Variants in TBCD observed in about 807,000 individuals in gnomAD.
TBCD encodes tubulin-specific chaperone D.
TBCD carries 105 observed loss-of-function variants against 169.3 expected under a neutral mutation model. The ratio of observed to expected loss-of-function variants is 0.62; its 90% CI spans 0.53 to 0.73. TBCD has a LOEUF of 0.73. TBCD is among the 30% of genes least tolerant of loss of function. The pLI is 0.00. For synonymous variants in TBCD, 700 were observed against 643.9 expected, an observed-to-expected ratio of 1.09 and a Z score of -1.32; for missense variants, 1,444 against 1,600.1, an observed-to-expected ratio of 0.90 and a Z score of 1.66.
At chr17:82,792,668 A>C (rs569686101) in intron 7 of TBCD, among the ~76,000 whole-genome samples, 1 of 152,230 alleles carries the variant, frequency 6.6e-6, no homozygotes, top group Non-Finnish European at 1.5e-5. Flanking sequence ...TGGGCCTTGC[A>C]TGGCCCCCAC....
chr17:82,843,857 C>T (rs907200187), intron 13 of TBCD, among the ~76,000 whole-genome samples: 1 of 152,208 alleles, frequency 6.6e-6, no homozygotes, highest in African/African-American at 2.4e-5. Context: ...GCCACCCTTC[C>T]CCACCCAGAC....
intron 13 of TBCD, among the ~76,000 whole-genome samples, chr17:82,866,232 C>G (rs558038795): frequency 3.0e-4 from 45 of 152,294 alleles, no homozygotes; most frequent in Non-Finnish European, 3.5e-4. Context: ...CCCGAGATGT[C>G]AGAGCTGGCA....
rs1354947435 is a variant in TBCD, at chr17:82,875,412, GA to G, written c.1475+5034del. On this transcript the variant is annotated intron_variant, in intron 14 of 38. Transcript: ENST00000355528. The stretch of plus-strand genomic sequence containing the variant: ...CCAGTAATCACAGTCTAATTTGCAA[GA>G]AGGAAAAGAAAGCCGAGCCCTACGC... Among the ~76,000 whole-genome samples, 11 of 152,216 alleles carry G rather than the reference GA, an allele frequency of 7.2e-5. No homozygotes were observed. The South Asian group carries it at 1.2e-3, about 17-fold the overall frequency.
chr17:82,942,244 TGGG>T, intron 38 of TBCD: 2 of 623,512 alleles, frequency 3.2e-6, no homozygotes, highest in Non-Finnish European at 5.6e-6. Flanking sequence ...GCTCCCCAGA[TGGG>T]GTGCCCTTCC....
chr17:82,907,791 A>G lies in TBCD; in HGVS notation c.1953A>G (p.Ala651=). 2 of 1,613,776 alleles carry G rather than the reference A, an allele frequency of 1.2e-6. No individual in the cohort carries two copies. Among genetic ancestry groups the G allele is most frequent in the Non-Finnish European group, 1.7e-6 (2 of 1,179,794 alleles). ...RPVTDHLDEQ[A]VQGLKQIHQQ... ...TCACGGACCATCTGGACGAGCAGGC[A>G]GTGCAGGGCCTGAAGCAGATTCACC... The change falls in exon 21 of 39, where the codon GCA becomes GCG. Residue 651 remains alanine, a synonymous_variant. Coordinates refer to ENST00000355528, the MANE Select transcript of TBCD (RefSeq NM_005993.5).
intron 13 of TBCD, among the ~76,000 whole-genome samples, chr17:82,855,405 T>C (rs893845137): frequency 1.3e-5 from 2 of 151,870 alleles, no homozygotes; most frequent in African/African-American, 4.8e-5. Flanking sequence ...ACTGTGGCAC[T>C]ATGGGTGCAT....
chr17:82,801,014 G>A lies in TBCD; in HGVS notation c.950+18G>A, dbSNP rs763541849. 32 of 1,599,164 alleles carry A rather than the reference G, an allele frequency of 2.0e-5. No individual in the cohort carries two copies. The East Asian group carries it at 2.8e-4, about 14-fold the overall frequency. ...GCATGGAGGTAGGCACCATGAGGGC[G>A]GTGCCTGGGGAGGGCCACGGGGTGG... On this transcript the variant is annotated intron_variant, in intron 9 of 38. Transcript: ENST00000355528.
chr17:82,872,049 G>A (rs1237557255), intron 14 of TBCD, among the ~76,000 whole-genome samples: 7 of 152,158 alleles, frequency 4.6e-5, no homozygotes, highest in Admixed American at 2.0e-4. Context: ...ACTCAGTAGC[G>A]TCCGGAGAGG....
intron 13 of TBCD, among the ~76,000 whole-genome samples, chr17:82,843,697 CT>C (rs1202418621): frequency 6.6e-6 from 1 of 152,264 alleles, no homozygotes; most frequent in East Asian, 1.9e-4. Context: ...GCCCCAAACA[CT>C]TTTCAGGCAT....
Position 82,923,672 on chromosome 17 carries a change from G to T in TBCD, c.2199G>T (p.Leu733=). Residue 733 remains leucine, a synonymous_variant, in exon 26 of 39, where the codon CTG becomes CTT. Coordinates refer to ENST00000355528, the MANE Select transcript of TBCD (RefSeq NM_005993.5). The surrounding 1 kb of genome is among the most constrained non-coding windows in gnomAD (Gnocchi z 4.6). ...QQMKDAAVSA[L]AALCSEYYMK... The stretch of plus-strand genomic sequence containing the variant: ...TTTAGGATGCAGCAGTCTCGGCCCT[G>T]GCTGCTCTATGCAGTGAATATTACA... 1 of 1,588,972 alleles carries T rather than the reference G, an allele frequency of 6.3e-7. No homozygotes were observed. Among genetic ancestry groups the T allele is most frequent in the South Asian group, 1.1e-5 (1 of 87,024 alleles).
chr17:82,854,092 C>T (rs1452605767), intron 13 of TBCD, among the ~76,000 whole-genome samples: 1 of 152,196 alleles, frequency 6.6e-6, no homozygotes, highest in African/African-American at 2.4e-5. Context: ...ACACAGCACA[C>T]CCTGACCTCG....
At chr17:82,846,261 C>CGGCA (rs2055055119) in intron 13 of TBCD, among the ~76,000 whole-genome samples, 1 of 146,362 alleles carries the variant, frequency 6.8e-6, no homozygotes, top group African/African-American at 2.5e-5. Context: ...GCGCTGCGTC[C>CGGCA]TCTGTGCTGT....
rs112653730 is a variant in TBCD, at chr17:82,771,115, A to AAAAC, written c.583-1321_583-1318dup. Among the ~76,000 whole-genome samples the AAAAC allele has an allele frequency of 2.1e-4, 32 of 151,662 alleles. No individual in the cohort carries two copies. The South Asian group carries it at 3.7e-3, about 18-fold the overall frequency. The stretch of plus-strand genomic sequence containing the variant: ...TCTTCTAAGTGTATCGTTATGGGAA[A>AAAAC]AAACAAACAAACAAACAAAAAAAAC... On this transcript the variant is annotated intron_variant, in intron 5 of 38. Transcript: ENST00000355528.
chr17:82,911,902 G>T (rs1434137270), intron 23 of TBCD, 113 bp downstream of exon 23: 1 of 1,094,168 alleles, frequency 9.1e-7, no homozygotes, highest in Non-Finnish European at 1.4e-6. Context: ...GAAGGGCTGG[G>T]TGTGTTTCTT....
Position 82,930,082 on chromosome 17 carries a change from C to T in TBCD, c.2992-440C>T, listed in dbSNP as rs558547769. On this transcript the variant is annotated intron_variant, in intron 32 of 38. Transcript: ENST00000355528. This position sits in a 1 kb window ranked among gnomAD's most constrained non-coding sequence, Gnocchi z 5.2. ...GCCCTCTGCGCCGTGTGGGCGCGTG[C>T]GGGGAGACCCGGGCCCCAGGACGTG... is the stretch of plus-strand genomic sequence containing the variant. The T allele has an allele frequency of 2.7e-4, 67 of 251,444 alleles. No individual in the cohort carries two copies. Among genetic ancestry groups the T allele is most frequent in the East Asian group, 7.2e-4 (7 of 9,738 alleles). 15.6% of individuals were successfully genotyped at this position (251,444 alleles called of 1,614,324 possible). A position where few individuals can be genotyped will look rare whatever the true frequency, so the allele number is the denominator to read the frequency against.
intron 36 of TBCD, among the ~76,000 whole-genome samples, chr17:82,938,628 C>A (rs1391547076): frequency 6.6e-6 from 1 of 152,260 alleles, no homozygotes; most frequent in African/African-American, 2.4e-5. Flanking sequence ...ACCTCTGGGG[C>A]TTCAGCAGTG....
intron 13 of TBCD, among the ~76,000 whole-genome samples, chr17:82,857,243 G>A (rs1161883312): frequency 6.6e-6 from 1 of 152,176 alleles, no homozygotes; most frequent in African/African-American, 2.4e-5. Context: ...GTGCTCCTTG[G>A]TTGTTTGTGT....
chr17:82,836,916 G>A (rs2054033929), intron 13 of TBCD, among the ~76,000 whole-genome samples: 2 of 152,324 alleles, frequency 1.3e-5, no homozygotes, highest in East Asian at 1.9e-4. Flanking sequence ...GTAAGCGGGT[G>A]TGGCAGGGAG....
chr17:82,856,782 G>T (rs1307061298), intron 13 of TBCD, among the ~76,000 whole-genome samples: 3 of 141,920 alleles, frequency 2.1e-5, no homozygotes, highest in African/African-American at 7.9e-5. Flanking sequence ...GCTGGACCGC[G>T]TGCGGACCCT....
Sources: allele counts gnomAD v4.1 joint callset (sites outside exome capture counted in the v4.1 genomes callset), GRCh38; gene constraint gnomAD v4.1.1; non-coding constraint Gnocchi (gnomAD v3.1); transcripts MANE v1.5; gene names NCBI Gene and HGNC (gene_info 2026-07-23, HGNC 2026-07-21).